The following ARID1A variants were observed in gnomAD, a reference collection of about 807,000 sequenced individuals.
The protein encoded by ARID1A is AT-rich interactive domain-containing protein 1A.
Under a neutral mutation model 212.6 loss-of-function variants are expected in ARID1A, and 20 were observed. The observed-to-expected ratio is 0.09, with a 90% CI of 0.07 to 0.14. The LOEUF is 0.14. Among genes scored for constraint, ARID1A ranks in the 10% least tolerant of loss-of-function variants. The pLI is 1.00. For synonymous variants in ARID1A, 1,376 were observed against 1,222.1 expected (o/e 1.13, Z -2.63); for missense variants, 2,587 against 3,059.0 (o/e 0.85, Z 3.64).
chr1:26,704,939 C>T (rs1163946131), intron 1 of ARID1A, among the ~76,000 whole-genome samples: 3 of 151,992 alleles, frequency 2.0e-5, no homozygotes, highest in African/African-American at 7.2e-5. Flanking sequence ...ATGCTTAATC[C>T]TTGTGGAGCC....
chr1:26,758,985 T>A (rs1458696902), intron 4 of ARID1A, among the ~76,000 whole-genome samples: 2 of 152,102 alleles, frequency 1.3e-5, no homozygotes, highest in African/African-American at 4.8e-5. Context: ...GGTACCCAAG[T>A]GGTTTGTGGA....
At chr1:26,714,160 G>A (rs1362504723) in intron 1 of ARID1A, among the ~76,000 whole-genome samples, 3 of 152,186 alleles carry the variant, frequency 2.0e-5, no homozygotes, top group African/African-American at 2.4e-5. Flanking sequence ...AGACAATAAG[G>A]TTCTGAAAAG....
At chr1:26,767,604 C>T (rs960493827) in intron 10 of ARID1A, among the ~76,000 whole-genome samples, 186 bp from the exon 11 acceptor site, 6 of 152,144 alleles carry the variant, frequency 3.9e-5, no homozygotes, top group African/African-American at 1.4e-4. Context: ...TGTTAGCTTC[C>T]TTCCTTTATA....
chr1:26,755,546 C>G (rs1204265118), intron 4 of ARID1A, among the ~76,000 whole-genome samples: 1 of 152,212 alleles, frequency 6.6e-6, no homozygotes, highest in Admixed American at 6.5e-5. Flanking sequence ...TTGCCAGCCA[C>G]AGATGCCTCC....
Position 26,762,032 on chromosome 1 carries a change from G to C in ARID1A, c.2252-120G>C, listed in dbSNP as rs1045987991. 4.3e-6 allele frequency: 5 copies of C among 1,151,582 alleles called. No individual in the cohort carries two copies. In the Admixed American group the frequency reaches 1.3e-4, roughly 30 times the overall value. 71.3% of individuals were successfully genotyped at this position (1,151,582 alleles called of 1,614,324 possible). On this transcript the variant is annotated intron_variant, in intron 6 of 19. Coordinates refer to ENST00000324856, the MANE Select transcript of ARID1A (RefSeq NM_006015.6). ...ACACCACTATATAGAAAATCAGATA[G>C]AGACTCCATGCAAGTGGCTGCTAAA...
chr1:26,701,283 C>G (rs951217523), intron 1 of ARID1A, among the ~76,000 whole-genome samples: 1 of 152,158 alleles, frequency 6.6e-6, no homozygotes, highest in African/African-American at 2.4e-5. Flanking sequence ...ATGTGGTATT[C>G]AAATATATTG....
intron 4 of ARID1A, among the ~76,000 whole-genome samples, chr1:26,746,536 C>G (rs1180114473): frequency 6.6e-6 from 1 of 152,182 alleles, no homozygotes; most frequent in Non-Finnish European, 1.5e-5. Flanking sequence ...GTCCTTTAAG[C>G]CAAGGTGAGA....
At chr1:26,710,494 TACACACACAC>T (rs61663540) in intron 1 of ARID1A, among the ~76,000 whole-genome samples, 9 of 131,422 alleles carry the variant, frequency 6.8e-5, no homozygotes, top group Admixed American at 2.3e-4. Flanking sequence ...AAATAATACA[TACACACACAC>T]ACACACACAC....
rs765193345 is a variant in ARID1A, at chr1:26,774,951, C to A, written c.4724C>A (p.Pro1575Gln). 3.2e-5 allele frequency: 48 copies of A among 1,502,014 alleles called. No homozygotes were observed. The East Asian group carries it at 1.1e-3, about 34-fold the overall frequency. The allele number at this position is 1,502,014 out of a possible 1,614,324, so 93.0% of individuals were successfully genotyped here. ...CCCCCTCCATCTAACTACCAGCCCC[C>A]ACCAAGCATGCAGAATCACATTCCT... ...TRPPPSNYQP[P>Q]PSMQNHIPQV... is the part of the protein sequence containing the mutation. Residue 1575 changes from proline to glutamine, a missense_variant, in exon 18 of 20, where the codon CCA (proline) becomes CAA (glutamine). Pro to Gln is a moderately conservative substitution (Grantham distance 76). Coordinates refer to ENST00000324856, the MANE Select transcript of ARID1A (RefSeq NM_006015.6). This position sits in a 1 kb window ranked among gnomAD's most constrained non-coding sequence, Gnocchi z 5.6.
At chr1:26,778,839 G>C in intron 19 of ARID1A, 184 bp from the exon 20 acceptor site, 1 of 542,340 alleles carries the variant, frequency 1.8e-6, no homozygotes, top group African/African-American at 1.9e-5. Flanking sequence ...GCAGAAGAAA[G>C]AACTTTGTGT....
Position 26,696,173 on chromosome 1 carries a change from G to T in ARID1A, c.-231G>T. ...CAGAGCCGGGAGCAGCTGAGCCGCC[G>T]GCGCCTCGGCCGCCGCCGCCGCCTC... On this transcript the variant is annotated 5_prime_UTR_variant, in exon 1 of 20. Transcript: ENST00000324856. 3.5e-6 allele frequency: 2 copies of T among 565,478 alleles called. No individual in the cohort carries two copies. The highest frequency in any genetic ancestry group is 4.9e-6 in the Non-Finnish European group (2 of 408,214). The allele number at this position is 565,478 out of a possible 1,614,324, so 35.0% of individuals were successfully genotyped here. A position where few individuals can be genotyped will look rare whatever the true frequency, so the allele number is the denominator to read the frequency against.
In ARID1A at chr1:26,780,776, C is replaced by CCCCCCGTG; in HGVS notation, c.*21_*28dup. ...TCATGACAGCCGTGGGACACCTCCC[C>CCCCCCGTG]CCCCCGTGTGTGTGTGCGTGTGTGG... is the stretch of plus-strand genomic sequence containing the variant. On this transcript the variant is annotated 3_prime_UTR_variant, in exon 20 of 20. Coordinates refer to ENST00000324856, the MANE Select transcript of ARID1A (RefSeq NM_006015.6). This position sits in a 1 kb window ranked among gnomAD's most constrained non-coding sequence, Gnocchi z 7.2. 6.5e-7 allele frequency: 1 copy of CCCCCCGTG among 1,544,060 alleles called. No homozygotes were observed. Among genetic ancestry groups the CCCCCCGTG allele is most frequent in the Non-Finnish European group, 8.7e-7 (1 of 1,145,920 alleles).
At chr1:26,740,397 T>TTGAA (rs1248619589) in intron 4 of ARID1A, among the ~76,000 whole-genome samples, 1 of 152,252 alleles carries the variant, frequency 6.6e-6, no homozygotes, top group Non-Finnish European at 1.5e-5. Flanking sequence ...GATCCATTTA[T>TTGAA]GTCTCAATAG....
In ARID1A at chr1:26,696,898, G is replaced by C. The variant is rs1463363157; in HGVS notation, c.495G>C (p.Ala165=). The change falls in exon 1 of 20, where the codon GCG becomes GCC. Residue 165 remains alanine (A), a synonymous_variant. Transcript: ENST00000324856. ...GCCCGTCTGCCGTCGCCGCCGCCGC[G>C]GCCGCCGTCTTCCACCAACAACATG... The part of the protein sequence containing the change: ...GRSPSAVAAA[A]AAVFHQQHGG... 7.3e-7 allele frequency: 1 copy of C among 1,371,502 alleles called. No homozygotes were observed. Among genetic ancestry groups the C allele is most frequent in the South Asian group, 1.9e-5 (1 of 53,912 alleles). The allele number at this position is 1,371,502 out of a possible 1,614,324, so 85.0% of individuals were successfully genotyped here. A position where few individuals can be genotyped will look rare whatever the true frequency, so the allele number is the denominator to read the frequency against.
At chr1:26,730,607 C>G (rs1323599654) in intron 2 of ARID1A, among the ~76,000 whole-genome samples, 1 of 151,988 alleles carries the variant, frequency 6.6e-6, no homozygotes. Context: ...TTTTTGCCTG[C>G]TTACTAAATA....
chr1:26,758,637 A>G (rs1181490336), intron 4 of ARID1A, among the ~76,000 whole-genome samples: 1 of 150,776 alleles, frequency 6.6e-6, no homozygotes, highest in African/African-American at 2.4e-5. Context: ...AAAAAAAAAG[A>G]AGAAGAAGAA....
At chr1:26,751,379 C>T (rs770136387) in intron 4 of ARID1A, among the ~76,000 whole-genome samples, 2 of 152,106 alleles carry the variant, frequency 1.3e-5, no homozygotes, top group Non-Finnish European at 2.9e-5. Context: ...AGTCAAGTAG[C>T]TAATCACGCA....
rs760630354 is a variant in ARID1A, at chr1:26,729,806, G to A, written c.1293G>A (p.Pro431=). 1.9e-5 allele frequency: 31 copies of A among 1,614,138 alleles called. No individual in the cohort carries two copies. Among genetic ancestry groups the A allele is most frequent in the Admixed American group, 8.3e-5 (5 of 60,018 alleles). The change falls in exon 2 of 20, where the codon CCG becomes CCA. Residue 431 remains proline (P), a synonymous_variant. Coordinates refer to ENST00000324856, the MANE Select transcript of ARID1A (RefSeq NM_006015.6). The part of the protein sequence containing the change: ...PYGSQTPQRY[P]MTMQGRAQSA... The stretch of plus-strand genomic sequence containing the variant: ...GGTCCCAGACCCCGCAGCGGTACCC[G>A]ATGACCATGCAGGGCCGGGCGCAGA...
At chr1:26,710,382 CG>C (rs2080439545) in intron 1 of ARID1A, among the ~76,000 whole-genome samples, 1 of 133,890 alleles carries the variant, frequency 7.5e-6, no homozygotes, top group Non-Finnish European at 1.7e-5. Context: ...TGCAGTGAGC[CG>C]AGATCACGCT....
Sources: allele counts gnomAD v4.1 joint callset (sites outside exome capture counted in the v4.1 genomes callset), GRCh38; gene constraint gnomAD v4.1.1; non-coding constraint Gnocchi (gnomAD v3.1); transcripts MANE v1.5; gene names NCBI Gene and HGNC (gene_info 2026-07-23, HGNC 2026-07-21).